The following OR5H14 variants were observed in gnomAD, a reference collection of about 807,000 sequenced individuals.
OR5H14 encodes olfactory receptor 5H14.
For missense variants in OR5H14, 392 were observed against 363.9 expected, an observed-to-expected ratio of 1.08 and a Z score of -0.63; for synonymous variants, 155 against 130.6, an observed-to-expected ratio of 1.19 and a Z score of -1.28.
At position 98,150,322 on chromosome 3, in the gene OR5H14, A is replaced by T. The variant is rs1449922573; in HGVS notation, c.*4A>T. Reference sequence around the variant, plus strand: ...GTTCAAAAGAAATGATGTTTAGATCATTACTAATATCTCTTTTCTATTTAC... The same window carrying T: ...GTTCAAAAGAAATGATGTTTAGATCTTTACTAATATCTCTTTTCTATTTAC... On this transcript the variant is annotated 3_prime_UTR_variant, in exon 2 of 2. Transcript: ENST00000641380. The T allele has an allele frequency of 6.6e-7, 1 of 1,510,474 alleles. No homozygotes were observed. The allele number at this position is 1,510,474 out of a possible 1,614,324, so 93.6% of individuals were successfully genotyped here.
rs376443858 is a variant in OR5H14, at chr3:98,153,954, C to T, written c.*3636C>T. ...TTAATAATGAATGCACTATAATTTT[C>T]TACTGAAATATATTTTCAAATATTT... On this transcript the variant is annotated 3_prime_UTR_variant, in exon 2 of 2. Transcript: ENST00000641380. 6.6e-6 allele frequency: 1 copy of T among 152,148 alleles called. No homozygotes were observed. Among genetic ancestry groups the T allele is most frequent in the Non-Finnish European group, 1.5e-5 (1 of 68,028 alleles). The allele number at this position is 152,148 out of a possible 1,614,324, so 9.4% of individuals were successfully genotyped here.
Position 98,150,027 on chromosome 3 carries a change from T to A in OR5H14, c.642T>A (p.Val214=), listed in dbSNP as rs1311852719. 5 of 1,612,794 alleles carry A rather than the reference T, an allele frequency of 3.1e-6. No individual in the cohort carries two copies. The East Asian group carries it at 1.1e-4, about 36-fold the overall frequency. ...TTCAAGTTTTTACCATAGGGACTGTTCTTATATCTTACATATTTGTCCTCT... is the reference window on the plus strand; with the variant it reads ...TTCAAGTTTTTACCATAGGGACTGTACTTATATCTTACATATTTGTCCTCT... The part of the protein sequence containing the change: ...GSIQVFTIGT[V]LISYIFVLYT... Residue 214 remains valine (V), a synonymous_variant, in exon 2 of 2, where the codon GTT becomes GTA. Transcript: ENST00000641380.
rs770000145 is a variant in OR5H14 at position 98,150,564 on chromosome 3, C to G, written c.*246C>G. The stretch of plus-strand genomic sequence containing the variant: ...AGCAGAAGCAAATAAAAATATTGTA[C>G]AGTATGGTATGTTAATCACTGTGTC... On this transcript the variant is annotated 3_prime_UTR_variant, in exon 2 of 2. Transcript: ENST00000641380. 3.0e-5 allele frequency: 10 copies of G among 329,400 alleles called. No homozygotes were observed. Among genetic ancestry groups the G allele is most frequent in the Non-Finnish European group, 5.0e-5 (9 of 180,978 alleles). 20.4% of individuals were successfully genotyped at this position (329,400 alleles called of 1,614,324 possible). A position where few individuals can be genotyped will look rare whatever the true frequency, so the allele number is the denominator to read the frequency against.
In OR5H14 at chr3:98,156,155, A is replaced by G. The variant is rs550773460; in HGVS notation, c.*5837A>G. On this transcript the variant is annotated 3_prime_UTR_variant, in exon 2 of 2. Coordinates refer to ENST00000641380, the MANE Select transcript of OR5H14 (RefSeq NM_001005514.2). ...ACTGGAAATGAAGCCTCCAAAATGC[A>G]TCAGTACACAAAGAATTGCTGCCTG... 6.6e-6 allele frequency: 1 copy of G among 152,326 alleles called. No homozygotes were observed. Among genetic ancestry groups the G allele is most frequent in the East Asian group, 1.9e-4 (1 of 5,170 alleles). The allele number at this position is 152,326 out of a possible 1,614,324, so 9.4% of individuals were successfully genotyped here.
In OR5H14 at chr3:98,151,121, G is replaced by A. The variant is rs182563015; in HGVS notation, c.*803G>A. 4 of 152,086 alleles carry A rather than the reference G, an allele frequency of 2.6e-5. No individual in the cohort carries two copies. The highest frequency in any genetic ancestry group is 7.2e-5 in the African/African-American group (3 of 41,502). The allele number at this position is 152,086 out of a possible 1,614,324, so 9.4% of individuals were successfully genotyped here. A position where few individuals can be genotyped will look rare whatever the true frequency, so the allele number is the denominator to read the frequency against. ...AAAAGAAAAGATAAATGGCATAGTG[G>A]GAAGAAAATGGTCTTAATCTTCCCA... is the stretch of plus-strand genomic sequence containing the variant. On this transcript the variant is annotated 3_prime_UTR_variant, in exon 2 of 2. Transcript: ENST00000641380.
chr3:98,149,748 T>C lies in OR5H14; in HGVS notation c.363T>C (p.Asp121=). Residue 121 remains aspartate (D), a synonymous_variant, in exon 2 of 2, where the codon GAT becomes GAC. Transcript: ENST00000641380. ...ECFLLATMAY[D]RYVAICKPLL... ...TTCTCTTGGCAACAATGGCATATGA[T>C]CGCTATGTAGCCATATGCAAACCCT... 1 of 1,613,062 alleles carries C rather than the reference T, an allele frequency of 6.2e-7. No homozygotes were observed. Among genetic ancestry groups the C allele is most frequent in the Non-Finnish European group, 8.5e-7 (1 of 1,179,660 alleles).
chr3:98,149,853 T>A lies in OR5H14; in HGVS notation c.468T>A (p.Ala156=), dbSNP rs1308878687. 1 of 1,613,036 alleles carries A rather than the reference T, an allele frequency of 6.2e-7. No individual in the cohort carries two copies. Among genetic ancestry groups the A allele is most frequent in the Non-Finnish European group, 8.5e-7 (1 of 1,179,742 alleles). The change falls in exon 2 of 2, where the codon GCT becomes GCA. Residue 156 remains alanine, a synonymous_variant. Coordinates refer to ENST00000641380, the MANE Select transcript of OR5H14 (RefSeq NM_001005514.2). ...CATATGTAGGTGGTCTTCTTCATGCTTTAATCCATGAAGGATTTTTATTCA... is the reference window on the plus strand; with the variant it reads ...CATATGTAGGTGGTCTTCTTCATGCATTAATCCATGAAGGATTTTTATTCA... ...ILSYVGGLLH[A]LIHEGFLFRL... is the part of the protein sequence containing the mutation.
intron 1 of OR5H14, among the ~76,000 whole-genome samples, chr3:98,148,493 C>G (rs1173382161): frequency 6.6e-6 from 1 of 151,974 alleles, no homozygotes; most frequent in Non-Finnish European, 1.5e-5. Context: ...GATGCTCACT[C>G]CAAGAACTTG....
rs1708576024 is a variant in OR5H14 at position 98,155,450 on chromosome 3, C to G, written c.*5132C>G. 1 of 152,218 alleles carries G rather than the reference C, an allele frequency of 6.6e-6. No individual in the cohort carries two copies. The highest frequency in any genetic ancestry group is 2.4e-5 in the African/African-American group (1 of 41,468). The allele number at this position is 152,218 out of a possible 1,614,324, so 9.4% of individuals were successfully genotyped here. A position where few individuals can be genotyped will look rare whatever the true frequency, so the allele number is the denominator to read the frequency against. ...AGTCAATGATCTACACCTAGACTTT[C>G]TGGAAATTATATATAAACTAATCCG... On this transcript the variant is annotated 3_prime_UTR_variant, in exon 2 of 2. Coordinates refer to ENST00000641380, the MANE Select transcript of OR5H14 (RefSeq NM_001005514.2).
In OR5H14 at chr3:98,150,106, T is replaced by C. The variant is rs200499046; in HGVS notation, c.721T>C (p.Cys241Arg). The C allele has an allele frequency of 1.2e-6, 2 of 1,610,274 alleles. No individual in the cohort carries two copies. The highest frequency in any genetic ancestry group is 8.5e-7 in the Non-Finnish European group (1 of 1,178,786). Residue 241 changes from cysteine to arginine, a missense_variant, in exon 2 of 2, where the codon TGT (cysteine) becomes CGT (arginine). Physicochemically the swap from Cys to Arg is radical, Grantham distance 180. Coordinates refer to ENST00000641380, the MANE Select transcript of OR5H14 (RefSeq NM_001005514.2). ...AGGTATGAGAAAAGCCTTCTCCACC[T>C]GTGGAGCTCATCTCTTATCTGTATC... ...VKGMRKAFST[C>R]GAHLLSVSLY...
chr3:98,149,518 C>T lies in OR5H14; in HGVS notation c.133C>T (p.Leu45=), dbSNP rs1454035306. The change falls in exon 2 of 2, where the codon CTG becomes TTG. Residue 45 remains leucine, a synonymous_variant. Coordinates refer to ENST00000641380, the MANE Select transcript of OR5H14 (RefSeq NM_001005514.2). ...CATCACCATCATGGGGAATCTTGGT[C>T]TGATTGCTGTCATCTGGAAAGACCC... ...YLITIMGNLG[L]IAVIWKDPHL... 1.2e-6 allele frequency: 2 copies of T among 1,613,482 alleles called. No homozygotes were observed. The highest frequency in any genetic ancestry group is 2.2e-5 in the South Asian group (2 of 91,054).
rs1206567835 is a variant in OR5H14 at position 98,155,148 on chromosome 3, TTA to T, written c.*4831_*4832del. ...CTGCAGGATCCACAAGAAGACAGTT[TTA>T]ACCCCTATGATTTTATCCCCAACAC... On this transcript the variant is annotated 3_prime_UTR_variant, in exon 2 of 2. Transcript: ENST00000641380. 3 of 152,274 alleles carry T rather than the reference TTA, an allele frequency of 2.0e-5. No homozygotes were observed. Among genetic ancestry groups the T allele is most frequent in the Non-Finnish European group, 4.4e-5 (3 of 68,100 alleles). 9.4% of individuals were successfully genotyped at this position (152,274 alleles called of 1,614,324 possible).
At position 98,152,621 on chromosome 3, in the gene OR5H14, G is replaced by A. The variant is rs58039208; in HGVS notation, c.*2303G>A. The A allele has an allele frequency of 1.3e-5, 2 of 152,108 alleles. No homozygotes were observed. Among genetic ancestry groups the A allele is most frequent in the Admixed American group, 1.3e-4 (2 of 15,272 alleles). The allele number at this position is 152,108 out of a possible 1,614,324, so 9.4% of individuals were successfully genotyped here. On this transcript the variant is annotated 3_prime_UTR_variant, in exon 2 of 2. Coordinates refer to ENST00000641380, the MANE Select transcript of OR5H14 (RefSeq NM_001005514.2). Reference sequence around the variant, plus strand: ...CAATGGGAACACATGGACACAGGGAGGGGAACATCACAAACTGGAGCCTGT... The same window carrying A: ...CAATGGGAACACATGGACACAGGGAAGGGAACATCACAAACTGGAGCCTGT...
chr3:98,152,107 C>G lies in OR5H14; in HGVS notation c.*1789C>G, dbSNP rs1164122803. 1 of 152,152 alleles carries G rather than the reference C, an allele frequency of 6.6e-6. No individual in the cohort carries two copies. The highest frequency in any genetic ancestry group is 2.4e-5 in the African/African-American group (1 of 41,438). 9.4% of individuals were successfully genotyped at this position (152,152 alleles called of 1,614,324 possible). On this transcript the variant is annotated 3_prime_UTR_variant, in exon 2 of 2. Coordinates refer to ENST00000641380, the MANE Select transcript of OR5H14 (RefSeq NM_001005514.2). ...AATCAAAACCACAGTGAGATACCAT[C>G]TCACGCCAGTTAGAATGGCAATCAT...
In OR5H14 at chr3:98,150,050, T is replaced by A; in HGVS notation, c.665T>A (p.Leu222His). ...GTVLISYIFV[L>H]YTILKKKSVK... ...GTTCTTATATCTTACATATTTGTCC[T>A]CTATACAATCTTGAAAAAGAAGTCT... The change falls in exon 2 of 2, where the codon CTC (leucine) becomes CAC (histidine). Residue 222 changes from leucine to histidine, a missense_variant. Coordinates refer to ENST00000641380, the MANE Select transcript of OR5H14 (RefSeq NM_001005514.2). 1 of 1,611,636 alleles carries A rather than the reference T, an allele frequency of 6.2e-7. No homozygotes were observed. The highest frequency in any genetic ancestry group is 8.5e-7 in the Non-Finnish European group (1 of 1,179,186).
In OR5H14 at chr3:98,151,557, G is replaced by T. The variant is rs1168330040; in HGVS notation, c.*1239G>T. On this transcript the variant is annotated 3_prime_UTR_variant, in exon 2 of 2. Coordinates refer to ENST00000641380, the MANE Select transcript of OR5H14 (RefSeq NM_001005514.2). Reference sequence around the variant, plus strand: ...TAGCACTCATTCATTCCCCCATTTTGATGTCAGATTGTTTTTTCAACTCTT... The same window carrying T: ...TAGCACTCATTCATTCCCCCATTTTTATGTCAGATTGTTTTTTCAACTCTT... 1 of 151,864 alleles carries T rather than the reference G, an allele frequency of 6.6e-6. No individual in the cohort carries two copies. Among genetic ancestry groups the T allele is most frequent in the Non-Finnish European group, 1.5e-5 (1 of 67,964 alleles). The allele number at this position is 151,864 out of a possible 1,614,324, so 9.4% of individuals were successfully genotyped here. A position where few individuals can be genotyped will look rare whatever the true frequency, so the allele number is the denominator to read the frequency against.
chr3:98,150,529 G>A lies in OR5H14; in HGVS notation c.*211G>A, dbSNP rs60397975. The A allele has an allele frequency of 3.3e-4, 132 of 394,632 alleles. No homozygotes were observed. Among genetic ancestry groups the A allele is most frequent in the African/African-American group, 2.3e-3 (113 of 48,448 alleles). 24.4% of individuals were successfully genotyped at this position (394,632 alleles called of 1,614,324 possible). On this transcript the variant is annotated 3_prime_UTR_variant, in exon 2 of 2. Coordinates refer to ENST00000641380, the MANE Select transcript of OR5H14 (RefSeq NM_001005514.2). ...AAATTTTAATCAAGTCTTCATAATA[G>A]AATAATGATAGCAGAAGCAAATAAA...
chr3:98,154,121 C>A lies in OR5H14; in HGVS notation c.*3803C>A, dbSNP rs1451986907. The A allele has an allele frequency of 6.6e-6, 1 of 152,166 alleles. No individual in the cohort carries two copies. The highest frequency in any genetic ancestry group is 2.4e-5 in the African/African-American group (1 of 41,442). 9.4% of individuals were successfully genotyped at this position (152,166 alleles called of 1,614,324 possible). A position where few individuals can be genotyped will look rare whatever the true frequency, so the allele number is the denominator to read the frequency against. ...AACATGAATTGACCAGAATGTTTTA[C>A]AAATCATACTTTTAATTTTGCCTTA... On this transcript the variant is annotated 3_prime_UTR_variant, in exon 2 of 2. Transcript: ENST00000641380.
chr3:98,151,871 C>A lies in OR5H14; in HGVS notation c.*1553C>A, dbSNP rs757360251. ...ATCATCAGAGTGAACAGGCAAACTGCAGAATGGGAGAAAATTTTTGCAATC... is the reference window on the plus strand; with the variant it reads ...ATCATCAGAGTGAACAGGCAAACTGAAGAATGGGAGAAAATTTTTGCAATC... On this transcript the variant is annotated 3_prime_UTR_variant, in exon 2 of 2. Coordinates refer to ENST00000641380, the MANE Select transcript of OR5H14 (RefSeq NM_001005514.2). 2 of 152,028 alleles carry A rather than the reference C, an allele frequency of 1.3e-5. No individual in the cohort carries two copies. Among genetic ancestry groups the A allele is most frequent in the East Asian group, 1.9e-4 (1 of 5,180 alleles). The allele number at this position is 152,028 out of a possible 1,614,324, so 9.4% of individuals were successfully genotyped here.
Sources: gnomAD v4.1 joint callset for allele counts (sites outside exome capture counted in the v4.1 genomes callset) on GRCh38, gnomAD v4.1.1 for gene constraint, MANE v1.5 for transcripts, NCBI Gene and HGNC (gene_info 2026-07-23, HGNC 2026-07-21) for gene names.